ADAMTSL3: variants seen among roughly 807,000 people sequenced by gnomAD.
The protein encoded by ADAMTSL3 is ADAMTS like 3, also known as ADAMTS-like protein 3.
A neutral mutation model predicts 201.7 loss-of-function variants in ADAMTSL3; 128 were observed. The observed-to-expected ratio is 0.63, with a 90% CI of 0.55 to 0.73. The LOEUF (loss-of-function observed/expected upper bound fraction) is 0.73. ADAMTSL3 is among the 30% of genes least tolerant of loss of function. The probability of loss-of-function intolerance (pLI) is 0.00; values close to 1 mark genes in which losing one functional copy is unlikely to be tolerated. For missense variants in ADAMTSL3, 1,990 were observed against 2,119.6 expected, an observed-to-expected ratio of 0.94 and a Z score of 1.20; for synonymous variants, 738 against 748.4, an observed-to-expected ratio of 0.99 and a Z score of 0.23.
At chr15:83,932,575 T>G (rs2066380518) in intron 17 of ADAMTSL3, among the ~76,000 whole-genome samples, 1 of 152,188 alleles carries the variant, frequency 6.6e-6, no homozygotes, top group Non-Finnish European at 1.5e-5. Flanking sequence ...GAGAACTATC[T>G]GTCTCAGGTC....
intron 3 of ADAMTSL3, among the ~76,000 whole-genome samples, chr15:83,750,318 A>G (rs2062618829): frequency 6.6e-6 from 1 of 152,204 alleles, no homozygotes; most frequent in African/African-American, 2.4e-5. Flanking sequence ...AATAATGAAA[A>G]CGGGATTAAC....
chr15:83,849,380 C>T (rs1186234487), intron 7 of ADAMTSL3, among the ~76,000 whole-genome samples: 1 of 152,176 alleles, frequency 6.6e-6, no homozygotes, highest in African/African-American at 2.4e-5. Context: ...CCTACCTTAA[C>T]CTCCCAAAGT....
At chr15:83,861,309 G>A (rs932070167) in intron 8 of ADAMTSL3, among the ~76,000 whole-genome samples, 3 of 152,218 alleles carry the variant, frequency 2.0e-5, no homozygotes, top group African/African-American at 7.2e-5. Context: ...CCAGCACGCA[G>A]CTTGAGATCT....
chr15:83,746,437 G>T (rs903995294), intron 3 of ADAMTSL3, among the ~76,000 whole-genome samples: 2 of 151,928 alleles, frequency 1.3e-5, no homozygotes, highest in South Asian at 4.2e-4. Flanking sequence ...TGTGGATATT[G>T]GGTGTTAACT....
intron 19 of ADAMTSL3, among the ~76,000 whole-genome samples, chr15:83,963,005 A>G (rs1009968265): frequency 1.3e-5 from 2 of 152,184 alleles, no homozygotes; most frequent in East Asian, 3.8e-4. Flanking sequence ...CACTTTTCCC[A>G]TGGTCTTTAC....
intron 3 of ADAMTSL3, among the ~76,000 whole-genome samples, chr15:83,746,914 T>C (rs1271893638): frequency 6.6e-6 from 1 of 152,198 alleles, no homozygotes; most frequent in Non-Finnish European, 1.5e-5. Flanking sequence ...ATAAATACTT[T>C]TCAGTTTGTA....
chr15:83,819,715 A>T, intron 5 of ADAMTSL3, 96 bp from the exon 6 acceptor site: 1 of 889,174 alleles, frequency 1.1e-6, no homozygotes, highest in Non-Finnish European at 1.8e-6. Flanking sequence ...GAGGCAAGTG[A>T]GGTGTGGTCT....
intron 2 of ADAMTSL3, among the ~76,000 whole-genome samples, chr15:83,669,737 G>C (rs939188176): frequency 1.3e-5 from 2 of 150,936 alleles, no homozygotes; most frequent in Non-Finnish European, 3.0e-5. Context: ...CAAAGTGCTG[G>C]GATTACAGGT....
At chr15:83,824,369 G>A (rs1057189290) in intron 6 of ADAMTSL3, among the ~76,000 whole-genome samples, 1 of 152,022 alleles carries the variant, frequency 6.6e-6, no homozygotes, top group Non-Finnish European at 1.5e-5. Context: ...AGTGGAAGGT[G>A]GAATTTTCCC....
At chr15:83,789,097 C>T (rs993173383) in intron 4 of ADAMTSL3, among the ~76,000 whole-genome samples, 1 of 152,182 alleles carries the variant, frequency 6.6e-6, no homozygotes, top group African/African-American at 2.4e-5. Context: ...AGGCATGAGC[C>T]ACCACACCCA....
At chr15:83,860,580 C>G (rs2064833549) in intron 8 of ADAMTSL3, among the ~76,000 whole-genome samples, 1 of 152,168 alleles carries the variant, frequency 6.6e-6, no homozygotes, top group South Asian at 2.1e-4. Context: ...TTGATATTCT[C>G]ATGATATTAA....
At chr15:83,818,487 C>T (rs1317766115) in intron 5 of ADAMTSL3, among the ~76,000 whole-genome samples, 1 of 152,094 alleles carries the variant, frequency 6.6e-6, no homozygotes, top group African/African-American at 2.4e-5. Flanking sequence ...CCACCACACC[C>T]AGCTAATTCT....
At chr15:83,680,898 T>G (rs1027437284) in intron 2 of ADAMTSL3, among the ~76,000 whole-genome samples, 1 of 152,296 alleles carries the variant, frequency 6.6e-6, no homozygotes, top group South Asian at 2.1e-4. Context: ...TCCTTAAGAG[T>G]TCAAAGCAAA....
At position 83,890,259 on chromosome 15, in the gene ADAMTSL3, T is replaced by C. The variant is rs1301230723; in HGVS notation, c.1211+12T>C. On this transcript the variant is annotated intron_variant, in intron 11 of 29. Transcript: ENST00000286744. The stretch of plus-strand genomic sequence containing the variant: ...CCCTGCCCATCAAGGTTTGTGTCAT[T>C]GTCCACACCCTTTTTACTTCAAAAA... The C allele has an allele frequency of 1.2e-6, 2 of 1,612,880 alleles. No homozygotes were observed. The highest frequency in any genetic ancestry group is 1.3e-5 in the African/African-American group (1 of 75,032).
chr15:84,014,840 C>T, intron 24 of ADAMTSL3, 116 bp downstream of exon 24: 1 of 1,048,090 alleles, frequency 9.5e-7, no homozygotes, highest in Non-Finnish European at 1.4e-6. Context: ...TGGTTTTAAC[C>T]ATTGCTGCCA....
intron 3 of ADAMTSL3, among the ~76,000 whole-genome samples, chr15:83,759,948 G>A (rs1398135148): frequency 6.6e-6 from 1 of 151,866 alleles, no homozygotes; most frequent in Non-Finnish European, 1.5e-5. Context: ...TTGATTTTTA[G>A]TGACTTTTCT....
chr15:83,878,944 A>C (rs2065226711), intron 9 of ADAMTSL3, among the ~76,000 whole-genome samples: 1 of 152,124 alleles, frequency 6.6e-6, no homozygotes, highest in Non-Finnish European at 1.5e-5. Flanking sequence ...TTATGCATTT[A>C]ATGTCTTTGA....
intron 3 of ADAMTSL3, among the ~76,000 whole-genome samples, chr15:83,771,711 TG>T (rs2062986873): frequency 6.6e-6 from 1 of 152,250 alleles, no homozygotes; most frequent in Non-Finnish European, 1.5e-5. Flanking sequence ...GTTGCTTCCA[TG>T]TCTTGGCTAT....
intron 3 of ADAMTSL3, among the ~76,000 whole-genome samples, chr15:83,766,577 CTGTG>C (rs1161635200): frequency 6.6e-6 from 1 of 152,092 alleles, no homozygotes; most frequent in African/African-American, 2.4e-5. Flanking sequence ...GAAATGCTAA[CTGTG>C]AGTGATGATA....
Sources: gnomAD v4.1 joint callset for allele counts (sites outside exome capture counted in the v4.1 genomes callset) on GRCh38, gnomAD v4.1.1 for gene constraint, MANE v1.5 for transcripts, NCBI Gene and HGNC (gene_info 2026-07-23, HGNC 2026-07-21) for gene names.